Variants in SULF1 observed in about 807,000 individuals in gnomAD.
SULF1 encodes sulfatase 1.
Under a neutral mutation model 110.5 loss-of-function variants are expected in SULF1, and 46 were observed. That is an observed-to-expected ratio of 0.42 (90% CI 0.33 to 0.53). The LOEUF is 0.53. Ranked by LOEUF, SULF1 falls within the 20% of genes least tolerant of loss-of-function variation. The pLI is 0.12. For missense variants in SULF1, 941 were observed against 1,094.2 expected, an observed-to-expected ratio of 0.86 and a Z score of 1.98; for synonymous variants, 371 against 387.1, an observed-to-expected ratio of 0.96 and a Z score of 0.49.
At chr8:69,658,436 A>T (rs1398964278) in intron 22 of SULF1, 69 bp from the exon 23 acceptor site, 1 of 1,109,658 alleles carries the variant, frequency 9.0e-7, no homozygotes, top group Non-Finnish European at 1.3e-6. Context: ...AAACAATGTA[A>T]GTTGCTTGTC....
At chr8:69,573,153 G>A (rs567597669) in intron 5 of SULF1, among the ~76,000 whole-genome samples, 1 of 152,200 alleles carries the variant, frequency 6.6e-6, no homozygotes, top group African/African-American at 2.4e-5. Context: ...AAGGACCCCA[G>A]TGGTGGAGCT....
chr8:69,600,877 A>G (rs1563572992), intron 9 of SULF1, 124 bp downstream of exon 9: 3 of 1,120,476 alleles, frequency 2.7e-6, no homozygotes, highest in African/African-American at 3.1e-5. Context: ...GAGAGAAAGA[A>G]AGAGAGAGAG....
intron 3 of SULF1, among the ~76,000 whole-genome samples, chr8:69,516,765 G>A (rs1811949511): frequency 6.6e-6 from 1 of 152,054 alleles, no homozygotes. Flanking sequence ...CAATGTTAAG[G>A]ATGATAATTT....
At chr8:69,627,661 C>A in intron 16 of SULF1, 111 bp from the exon 17 acceptor site, 1 of 753,276 alleles carries the variant, frequency 1.3e-6, no homozygotes, top group Non-Finnish European at 2.3e-6. Flanking sequence ...TAAGTATCAT[C>A]TCAGATGAAT....
intron 13 of SULF1, among the ~76,000 whole-genome samples, chr8:69,616,096 TAC>T (rs556053070): frequency 1.5e-5 from 2 of 132,732 alleles, no homozygotes; most frequent in African/African-American, 5.6e-5. Flanking sequence ...TGTATATATA[TAC>T]ACACATATAT....
At position 69,484,825 on chromosome 8, in the gene SULF1, C is replaced by CTCTTCTTCTTCTTCTTCTTCTTCT. The variant is rs72313235; in HGVS notation, c.-390-10926_-390-10903dup. ...GGATATACAGCTTGCTTTCATCTTC[C>CTCTTCTTCTTCTTCTTCTTCTTCT]TCTTCTTCTTCTTCTTCTTCTTCTT... On this transcript the variant is annotated intron_variant, in intron 1 of 22. Coordinates refer to the SULF1 transcript ENST00000260128. Among the ~76,000 whole-genome samples the CTCTTCTTCTTCTTCTTCTTCTTCT allele has an allele frequency of 5.1e-3, 760 of 148,938 alleles. 10 individuals carry two copies. Among genetic ancestry groups the CTCTTCTTCTTCTTCTTCTTCTTCT allele is most frequent in the African/African-American group, 0.017 (697 of 40,304 alleles).
chr8:69,570,234 C>A (rs1805128633), intron 5 of SULF1, among the ~76,000 whole-genome samples: 1 of 152,168 alleles, frequency 6.6e-6, no homozygotes, highest in African/African-American at 2.4e-5. Context: ...GGAAGTATCT[C>A]TCTAGGAAGC....
chr8:69,543,279 A>C (rs527505097), intron 3 of SULF1, among the ~76,000 whole-genome samples: 1 of 152,252 alleles, frequency 6.6e-6, no homozygotes, highest in African/African-American at 2.4e-5. Context: ...TTACATAGGT[A>C]AACCTGTGCC....
rs551747588 is a variant in SULF1, at chr8:69,628,509, A to G, written c.2108+273A>G. On this transcript the variant is annotated intron_variant, in intron 18 of 22. Transcript: ENST00000402687. ...TACCTGGCAGATGGGACCAGTAACT[A>G]GATTTTACTCCATGCACTGCTTTCT... Among the ~76,000 whole-genome samples, 16 of 152,324 alleles carry G rather than the reference A, an allele frequency of 1.1e-4. 1 individual carries two copies. In the Middle Eastern group the frequency reaches 0.01, roughly 97 times the overall value.
At chr8:69,512,348 A>G (rs545511444) in intron 3 of SULF1, among the ~76,000 whole-genome samples, 1 of 152,340 alleles carries the variant, frequency 6.6e-6, no homozygotes, top group Admixed American at 6.5e-5. Context: ...AAAGGTGATC[A>G]TCAGCATGGC....
chr8:69,531,874 G>A (rs1016083125), intron 3 of SULF1, among the ~76,000 whole-genome samples: 1 of 152,120 alleles, frequency 6.6e-6, no homozygotes, highest in East Asian at 1.9e-4. Flanking sequence ...AAGAGAGGCG[G>A]CTCTAAGCTG....
intron 3 of SULF1, among the ~76,000 whole-genome samples, chr8:69,561,225 A>G (rs929752083): frequency 6.6e-6 from 1 of 152,168 alleles, no homozygotes. Flanking sequence ...CAAAACATCA[A>G]ATTGAACCCT....
intron 3 of SULF1, among the ~76,000 whole-genome samples, chr8:69,528,424 T>C (rs1490200897): frequency 6.6e-6 from 1 of 152,140 alleles, no homozygotes; most frequent in Non-Finnish European, 1.5e-5. Context: ...ATCTCTCTCA[T>C]ATGGAAAAAG....
At chr8:69,560,805 A>G (rs530936214) in intron 3 of SULF1, among the ~76,000 whole-genome samples, 1 of 152,366 alleles carries the variant, frequency 6.6e-6, no homozygotes, top group East Asian at 1.9e-4. Context: ...ATTTTTGAAT[A>G]AAGAATTGTC....
intron 17 of SULF1, 107 bp from the exon 18 acceptor site, chr8:69,628,064 C>T: frequency 9.8e-7 from 1 of 1,020,822 alleles, no homozygotes; most frequent in Admixed American, 2.0e-5. Flanking sequence ...AAAATACTTA[C>T]AACATCACTG....
intron 1 of SULF1, among the ~76,000 whole-genome samples, chr8:69,468,546 A>G (rs953908664): frequency 1.3e-5 from 2 of 152,156 alleles, no homozygotes; most frequent in East Asian, 3.9e-4. Flanking sequence ...AGTTATTCCG[A>G]CTGAGTATTA....
intron 3 of SULF1, among the ~76,000 whole-genome samples, chr8:69,554,903 T>C (rs1814984329): frequency 7.4e-6 from 1 of 134,312 alleles, no homozygotes; most frequent in African/African-American, 2.9e-5. Context: ...GGCGCGAACC[T>C]GGGAGGCGGA....
intron 3 of SULF1, among the ~76,000 whole-genome samples, chr8:69,551,698 T>C (rs992995613): frequency 6.6e-6 from 1 of 152,210 alleles, no homozygotes; most frequent in African/African-American, 2.4e-5. Context: ...AACACCTACT[T>C]GTCTGGGCTT....
intron 3 of SULF1, among the ~76,000 whole-genome samples, chr8:69,556,883 T>C (rs1280944131): frequency 1.3e-5 from 2 of 152,144 alleles, no homozygotes; most frequent in Admixed American, 6.5e-5. Context: ...AAGCCCAGCA[T>C]CCATTAGCTA....
Sources: gnomAD v4.1 joint callset for allele counts (sites outside exome capture counted in the v4.1 genomes callset) on GRCh38, gnomAD v4.1.1 for gene constraint, MANE v1.5 for transcripts, NCBI Gene and HGNC (gene_info 2026-07-23, HGNC 2026-07-21) for gene names.